The following SUV39H1 variants were observed in gnomAD, a reference collection of about 807,000 sequenced individuals.
The protein encoded by SUV39H1 is SUV39H1 histone lysine methyltransferase.
For synonymous variants in SUV39H1, 141 were observed against 150.5 expected, an observed-to-expected ratio of 0.94 and a Z score of 0.46; for missense variants, 180 against 386.3, an observed-to-expected ratio of 0.47 and a Z score of 4.48.
At chrX:48,699,434 G>T (rs782491535) in intron 2 of SUV39H1, among the ~76,000 whole-genome samples, 1 of 111,533 alleles carries the variant, frequency 9.0e-6, no homozygotes, top group African/African-American at 3.3e-5. Context: ...ATTGCCAGAA[G>T]GGGGAGTGGC....
chrX:48,702,008 G>A lies in SUV39H1; in HGVS notation c.828+1255G>A, dbSNP rs144162128. On this transcript the variant is annotated intron_variant, in intron 3 of 5. Coordinates refer to ENST00000376687, the MANE Select transcript of SUV39H1 (RefSeq NM_003173.4). Reference sequence around the variant, plus strand: ...GGAGAGGCTCCTACTCTGAGAAACTGTACAGAGGGTCACATCTGACAGGGA... The same window carrying A: ...GGAGAGGCTCCTACTCTGAGAAACTATACAGAGGGTCACATCTGACAGGGA... 4.1e-3 allele frequency among the ~76,000 whole-genome samples: 456 copies of A among 112,349 alleles called. 2 individuals carry two copies. Among genetic ancestry groups the A allele is most frequent in the African/African-American group, 0.014 (430 of 30,940 alleles).
intron 5 of SUV39H1, among the ~76,000 whole-genome samples, chrX:48,706,980 A>G (rs982834605): frequency 9.3e-6 from 1 of 107,556 alleles, no homozygotes; most frequent in Non-Finnish European, 1.9e-5. Context: ...GCCTCTGGAC[A>G]CCCTTGTGGC....
upstream of SUV39H1, chrX:48,695,915 T>G: frequency 8.7e-7 from 1 of 1,150,056 alleles, no homozygotes; most frequent in Non-Finnish European, 1.2e-6. Flanking sequence ...TGTGACTATT[T>G]GCTTTGAGGG....
At chrX:48,696,834 G>T in intron 1 of SUV39H1, 31 bp downstream of exon 1, 1 of 1,097,145 alleles carries the variant, frequency 9.1e-7, no homozygotes, top group Non-Finnish European at 1.2e-6. Flanking sequence ...GCGCGGGCCC[G>T]CTGGCCGGGC....
intron 3 of SUV39H1, among the ~76,000 whole-genome samples, chrX:48,702,286 G>A (rs1442615773): frequency 2.7e-5 from 3 of 112,276 alleles, no homozygotes; most frequent in Non-Finnish European, 3.8e-5. Flanking sequence ...GTGACCTGGA[G>A]GAAGAGCTTG....
At chrX:48,700,883 T>TGA (rs1557009376) in intron 3 of SUV39H1, 130 bp downstream of exon 3, 26 of 827,559 alleles carry the variant, frequency 3.1e-5, no homozygotes, top group Non-Finnish European at 4.4e-5. Context: ...GAGACTGATC[T>TGA]GAGTGTCACA....
At chrX:48,701,882 T>C (rs1472858694) in intron 3 of SUV39H1, among the ~76,000 whole-genome samples, 1 of 111,235 alleles carries the variant, frequency 9.0e-6, no homozygotes, top group Non-Finnish European at 1.9e-5. Context: ...TATATAGCCA[T>C]AGGTCCCTTA....
At chrX:48,706,229 C>T in intron 3 of SUV39H1, 36 bp from the exon 4 acceptor site, 2 of 1,187,203 alleles carry the variant, frequency 1.7e-6, no homozygotes, top group South Asian at 1.9e-5. Flanking sequence ...TGAGACTTCG[C>T]GGCCAATCTC....
intron 3 of SUV39H1, 144 bp downstream of exon 3, chrX:48,700,897 A>G (rs1557009379): frequency 2.6e-6 from 2 of 755,724 alleles, no homozygotes; most frequent in Admixed American, 5.2e-5. Context: ...TGTCACAGGG[A>G]CATTGGGCAG....
At chrX:48,696,562 T>C, upstream of SUV39H1, 1 of 350,317 alleles carries the variant, frequency 2.9e-6, no homozygotes, top group Non-Finnish European at 4.8e-6. Flanking sequence ...TCGCTCCCGC[T>C]GCCGCCGCCG....
intron 3 of SUV39H1, among the ~76,000 whole-genome samples, chrX:48,704,163 A>T (rs1285115569): frequency 9.0e-6 from 1 of 111,342 alleles, no homozygotes; most frequent in Admixed American, 9.5e-5. Flanking sequence ...GAGCAGAGAC[A>T]GGCCCATCTG....
intron 3 of SUV39H1, 30 bp from the exon 4 acceptor site, chrX:48,706,235 A>G: frequency 2.5e-6 from 3 of 1,191,200 alleles, no homozygotes; most frequent in African/African-American, 3.5e-5. Flanking sequence ...TTCGCGGCCA[A>G]TCTCCCCTTA....
At chrX:48,702,339 G>C in intron 3 of SUV39H1, among the ~76,000 whole-genome samples, 1 of 112,059 alleles carries the variant, frequency 8.9e-6, no homozygotes, top group East Asian at 2.8e-4. Flanking sequence ...GACTTAGGAA[G>C]TGTTCACACC....
intron 3 of SUV39H1, among the ~76,000 whole-genome samples, chrX:48,702,795 C>T (rs1602186575): frequency 9.0e-6 from 1 of 111,569 alleles, no homozygotes; most frequent in South Asian, 3.7e-4. Context: ...GCTCTCCACA[C>T]ATTCTTGCTG....
intron 1 of SUV39H1, among the ~76,000 whole-genome samples, chrX:48,697,282 T>C (rs1474260322): frequency 9.0e-6 from 1 of 111,501 alleles, no homozygotes; most frequent in African/African-American, 3.3e-5. Context: ...GGGTTTGGAA[T>C]AGAGGATCTC....
In SUV39H1 at chrX:48,700,518, C is replaced by T; in HGVS notation, c.593C>T (p.Ala198Val). ...CCCACTGGAGGCTGCTGCCCGGGGGCGTCACTGCACAAGTTTGCCTACAAT... is the reference window on the plus strand; with the variant it reads ...CCCACTGGAGGCTGCTGCCCGGGGGTGTCACTGCACAAGTTTGCCTACAAT... The part of the protein sequence containing the change: ...WAPTGGCCPG[A>V]SLHKFAYNDQ... Residue 198 changes from alanine (A) to valine (V), a missense_variant, in exon 3 of 6, where the codon GCG becomes GTG. Physicochemically the swap from Ala to Val is moderately conservative, Grantham distance 64. Coordinates refer to ENST00000376687, the MANE Select transcript of SUV39H1 (RefSeq NM_003173.4). 1.7e-6 allele frequency: 2 copies of T among 1,212,034 alleles called. No homozygotes were observed. Among genetic ancestry groups the T allele is most frequent in the Non-Finnish European group, 2.2e-6 (2 of 895,535 alleles).
chrX:48,695,978 A>G, upstream of SUV39H1: 1 of 1,040,031 alleles, frequency 9.6e-7, no homozygotes, highest in Non-Finnish European at 1.3e-6. Context: ...AATCTGAGGG[A>G]AAGACAGTGA....
intron 3 of SUV39H1, 140 bp from the exon 4 acceptor site, chrX:48,706,125 G>T (rs1425338121): frequency 7.1e-6 from 6 of 847,755 alleles, no homozygotes; most frequent in Non-Finnish European, 8.1e-6. Flanking sequence ...AGGAAGGGCC[G>T]ACAGACTCTC....
chrX:48,704,225 G>A (rs1267075132), intron 3 of SUV39H1, among the ~76,000 whole-genome samples: 1 of 111,807 alleles, frequency 8.9e-6, no homozygotes, highest in African/African-American at 3.3e-5. Flanking sequence ...CTGAAAAGAA[G>A]ATGAGAAGGA....
Sources: gnomAD v4.1 joint callset for allele counts (sites outside exome capture counted in the v4.1 genomes callset) on GRCh38, gnomAD v4.1.1 for gene constraint, MANE v1.5 for transcripts, NCBI Gene and HGNC (gene_info 2026-07-23, HGNC 2026-07-21) for gene names.